Variants in B3GALT1 observed in about 807,000 individuals in gnomAD.
B3GALT1 encodes the protein beta-1,3-galactosyltransferase 1.
In B3GALT1, 10 loss-of-function variants were observed where a neutral mutation model predicts 23.2. The ratio of observed to expected loss-of-function variants is 0.43; its 90% CI spans 0.27 to 0.73. The LOEUF is 0.73. Among genes scored for constraint, B3GALT1 ranks in the 30% least tolerant of loss-of-function variants. B3GALT1 has a pLI of 0.21. For synonymous variants in B3GALT1, 156 were observed against 141.5 expected (o/e 1.10, Z -0.73); for missense variants, 299 against 405.4 (o/e 0.74, Z 2.25).
At chr2:167,477,726 G>A (rs1699507031) in intron 1 of B3GALT1, among the ~76,000 whole-genome samples, 1 of 152,128 alleles carries the variant, frequency 6.6e-6, no homozygotes, top group Non-Finnish European at 1.5e-5. Flanking sequence ...ATGTACCTTG[G>A]TGTCTAACAA....
intron 1 of B3GALT1, among the ~76,000 whole-genome samples, chr2:167,436,783 C>A (rs1698792718): frequency 6.6e-6 from 1 of 152,048 alleles, no homozygotes; most frequent in African/African-American, 2.4e-5. Context: ...TAAGAGGGTG[C>A]TGGAATTCAC....
At chr2:167,489,527 G>A (rs1416860992) in intron 1 of B3GALT1, among the ~76,000 whole-genome samples, 2 of 152,156 alleles carry the variant, frequency 1.3e-5, no homozygotes, top group Non-Finnish European at 2.9e-5. Flanking sequence ...GCCAAAGCCA[G>A]CTTATTTTCC....
chr2:167,481,215 T>A (rs911137438), intron 1 of B3GALT1, among the ~76,000 whole-genome samples: 1 of 119,080 alleles, frequency 8.4e-6, no homozygotes, highest in Non-Finnish European at 1.7e-5. Flanking sequence ...TGCTTATATA[T>A]GGTAAAAAAA....
intron 2 of B3GALT1, among the ~76,000 whole-genome samples, chr2:167,543,139 A>G (rs1340841243): frequency 6.6e-6 from 1 of 152,164 alleles, no homozygotes. Context: ...ATTACAATTT[A>G]TGGGCTTTAT....
intron 3 of B3GALT1, among the ~76,000 whole-genome samples, chr2:167,803,120 A>ACACACACACACACACC (rs1369112213): frequency 7.3e-6 from 1 of 136,522 alleles, no homozygotes; most frequent in African/African-American, 2.6e-5. Flanking sequence ...ACACACACAC[A>ACACACACACACACACC]CCCCTTGGTT....
intron 2 of B3GALT1, among the ~76,000 whole-genome samples, chr2:167,576,479 G>T (rs1371182968): frequency 4.7e-5 from 7 of 148,436 alleles, no homozygotes; most frequent in Non-Finnish European, 1.0e-4. Flanking sequence ...AGGTTTAGTG[G>T]TTTCGTGGAG....
intron 1 of B3GALT1, among the ~76,000 whole-genome samples, chr2:167,304,702 T>C (rs1245578209): frequency 1.3e-5 from 2 of 151,746 alleles, no homozygotes; most frequent in African/African-American, 4.8e-5. Flanking sequence ...ACTATAAGAA[T>C]TGGCTCAGGA....
intron 1 of B3GALT1, among the ~76,000 whole-genome samples, chr2:167,409,368 C>T (rs1277825732): frequency 2.0e-5 from 3 of 152,122 alleles, no homozygotes; most frequent in Non-Finnish European, 4.4e-5. Flanking sequence ...TCTATTCTCC[C>T]TGTCACTTTC....
At chr2:167,863,753 C>T (rs1328771580) in intron 4 of B3GALT1, among the ~76,000 whole-genome samples, 1 of 152,152 alleles carries the variant, frequency 6.6e-6, no homozygotes, top group African/African-American at 2.4e-5. Flanking sequence ...AGCAAAAAGG[C>T]TATTTTTTAA....
chr2:167,566,135 A>G (rs1192810074), intron 2 of B3GALT1, among the ~76,000 whole-genome samples: 1 of 152,236 alleles, frequency 6.6e-6, no homozygotes, highest in Non-Finnish European at 1.5e-5. Context: ...GATTAAGAAA[A>G]TGTGGTACAT....
At chr2:167,663,608 C>G (rs1245296297) in intron 3 of B3GALT1, among the ~76,000 whole-genome samples, 1 of 150,080 alleles carries the variant, frequency 6.7e-6, no homozygotes, top group Non-Finnish European at 1.5e-5. Flanking sequence ...TTCTCCACAT[C>G]CTCTCCAGCA....
chr2:167,827,646 C>G (rs1299819645), intron 4 of B3GALT1, among the ~76,000 whole-genome samples: 1 of 152,192 alleles, frequency 6.6e-6, no homozygotes, highest in Non-Finnish European at 1.5e-5. Context: ...AGTGCACTTT[C>G]TGATGGCGTG....
intron 3 of B3GALT1, among the ~76,000 whole-genome samples, chr2:167,750,329 G>T: frequency 6.6e-6 from 1 of 152,132 alleles, no homozygotes; most frequent in East Asian, 1.9e-4. Flanking sequence ...TAAATAGACC[G>T]TAAGGAAAAC....
chr2:167,661,755 C>T (rs1187291564), intron 3 of B3GALT1, among the ~76,000 whole-genome samples: 1 of 152,022 alleles, frequency 6.6e-6, no homozygotes, highest in Non-Finnish European at 1.5e-5. Flanking sequence ...AATTAGTTCT[C>T]ATCTATGTGA....
chr2:167,841,967 TCATC>T (rs1689661085), intron 4 of B3GALT1, among the ~76,000 whole-genome samples: 1 of 152,258 alleles, frequency 6.6e-6, no homozygotes, highest in Non-Finnish European at 1.5e-5. Flanking sequence ...TAACTTGACT[TCATC>T]CAGGTTTTTA....
At chr2:167,369,406 A>G (rs1697644819) in intron 1 of B3GALT1, among the ~76,000 whole-genome samples, 1 of 152,192 alleles carries the variant, frequency 6.6e-6, no homozygotes, top group South Asian at 2.1e-4. Flanking sequence ...TGTATTTACT[A>G]GATGTGTGAA....
intron 1 of B3GALT1, among the ~76,000 whole-genome samples, chr2:167,306,316 T>C (rs1444678831): frequency 1.3e-5 from 2 of 152,012 alleles, no homozygotes; most frequent in African/African-American, 2.4e-5. Flanking sequence ...TAATGTTTCT[T>C]GGGGATAATA....
chr2:167,396,591 G>T (rs886101036), intron 1 of B3GALT1, among the ~76,000 whole-genome samples: 1 of 148,822 alleles, frequency 6.7e-6, no homozygotes, highest in Non-Finnish European at 1.5e-5. Flanking sequence ...TGGATGGAAA[G>T]GTTTATAATA....
chr2:167,825,461 CACGT>C (rs1270131693), intron 4 of B3GALT1, among the ~76,000 whole-genome samples: 82 of 123,568 alleles, frequency 6.6e-4, no homozygotes, highest in African/African-American at 2.5e-3. Context: ...TGTGTGCGTG[CACGT>C]GTGTGTGTGT....
Sources: gnomAD v4.1 joint callset for allele counts (sites outside exome capture counted in the v4.1 genomes callset) on GRCh38, gnomAD v4.1.1 for gene constraint, MANE v1.5 for transcripts, NCBI Gene and HGNC (gene_info 2026-07-23, HGNC 2026-07-21) for gene names.